Variants in GRK5 observed in about 807,000 individuals in gnomAD.
The protein encoded by GRK5 is G protein-coupled receptor kinase 5.
A neutral mutation model predicts 78.4 loss-of-function variants in GRK5; 40 were observed. The ratio of observed to expected loss-of-function variants is 0.51; its 90% confidence interval spans 0.40 to 0.66. GRK5 has a LOEUF of 0.66. GRK5 is among the 30% of genes least tolerant of loss of function. The pLI, the probability that GRK5 is intolerant of heterozygous loss-of-function variation, is 0.00. For missense variants in GRK5, 598 were observed against 759.9 expected, an observed-to-expected ratio of 0.79 and a Z score of 2.50; for synonymous variants, 289 against 296.8, an observed-to-expected ratio of 0.97 and a Z score of 0.27.
chr10:119,359,607 T>C (rs1041109526), intron 2 of GRK5, among the ~76,000 whole-genome samples: 3 of 152,224 alleles, frequency 2.0e-5, no homozygotes, highest in Admixed American at 2.0e-4. Flanking sequence ...GCTGTGGCCC[T>C]GGCTGCTGTG....
At chr10:119,227,000 A>G (rs1452070523) in intron 1 of GRK5, among the ~76,000 whole-genome samples, 1 of 152,094 alleles carries the variant, frequency 6.6e-6, no homozygotes, top group Non-Finnish European at 1.5e-5. Context: ...CTGGGATTAT[A>G]TGCGCCCGCC....
chr10:119,212,545 A>G lies in GRK5; in HGVS notation c.52+4576A>G, dbSNP rs924617942. On this transcript the variant is annotated intron_variant, in intron 1 of 15. Transcript: ENST00000392870. ...TGTTTAACCAAATTCACCTTTACCA[A>G]GGGCTATTCAATCCATATCTGGGAT... Among the ~76,000 whole-genome samples, 6 of 152,222 alleles carry G rather than the reference A, an allele frequency of 3.9e-5. No individual in the cohort carries two copies. The South Asian group carries it at 1.2e-3, about 32-fold the overall frequency.
chr10:119,394,289 TGTATCTGTGTGTCTGTGTGGGCACGTGG>T lies in GRK5; in HGVS notation c.262-2403_262-2376del, dbSNP rs1564916947. ...GTGTGTGTGGGCGTGTGTGTGGGTG[TGTATCTGTGTGTCTGTGTGGGCACGTGG>T]GTGTGTGTATCTGTGTGTCTGTGTG... On this transcript the variant is annotated intron_variant, in intron 3 of 15. Transcript: ENST00000392870. Among the ~76,000 whole-genome samples, 35 of 15,926 alleles carry T rather than the reference TGTATCTGTGTGTCTGTGTGGGCACGTGG, an allele frequency of 2.2e-3. 2 individuals are homozygous for T. The highest frequency in any genetic ancestry group is 3.9e-3 in the Non-Finnish European group (23 of 5,904). The allele number at this position is 15,926 out of a possible 152,430, so 10.4% of individuals were successfully genotyped here.
At chr10:119,216,945 TA>T (rs542611940) in intron 1 of GRK5, among the ~76,000 whole-genome samples, 6 of 150,924 alleles carry the variant, frequency 4.0e-5, no homozygotes, top group Non-Finnish European at 7.4e-5. Context: ...AATAATAATT[TA>T]AAAAAAAACA....
At position 119,425,067 on chromosome 10, in the gene GRK5, A is replaced by C; in HGVS notation, c.515A>C (p.Gln172Pro). 1.2e-6 allele frequency: 2 copies of C among 1,613,076 alleles called. No individual in the cohort carries two copies. The highest frequency in any genetic ancestry group is 2.2e-5 in the South Asian group (2 of 91,066). ...AGCATGTTTTTTGACCGCTTTCTCCAGTGGAAGTGGTTGGAAAGGTGAGTC... is the reference window on the plus strand; with the variant it reads ...AGCATGTTTTTTGACCGCTTTCTCCCGTGGAAGTGGTTGGAAAGGTGAGTC... ...LDSMFFDRFL[Q>P]WKWLERQPVT... Residue 172 changes from glutamine to proline, a missense_variant, in exon 6 of 16, where the codon CAG becomes CCG. Physicochemically the swap from Gln to Pro is moderately conservative, Grantham distance 76 (BLOSUM62 -1). Transcript: ENST00000392870.
chr10:119,361,952 C>A (rs1851371001), intron 2 of GRK5, among the ~76,000 whole-genome samples: 2 of 106,936 alleles, frequency 1.9e-5, no homozygotes, highest in Non-Finnish European at 3.6e-5. Flanking sequence ...CAGAGCGAGA[C>A]TCTATCTCAA....
At position 119,443,641 on chromosome 10, in the gene GRK5, C is replaced by T. The variant is rs1280048816; in HGVS notation, c.1155C>T (p.Phe385=). 7.4e-6 allele frequency: 12 copies of T among 1,613,508 alleles called. No homozygotes were observed. In the Admixed American group the frequency reaches 1.0e-4, roughly 13 times the overall value. Residue 385 remains phenylalanine, a synonymous_variant, in exon 12 of 16, where the codon TTC becomes TTT. Coordinates refer to ENST00000392870, the MANE Select transcript of GRK5 (RefSeq NM_005308.3). ...AGATGATCGAGGGCCAGTCGCCGTT[C>T]CGCGGCCGCAAGGAGAAGGTGAAGC... ...IYEMIEGQSP[F]RGRKEKVKRE... is the part of the protein sequence containing the mutation.
Position 119,270,598 on chromosome 10 carries a change from T to C in GRK5, c.53-55918T>C, listed in dbSNP as rs1008457514. Among the ~76,000 whole-genome samples, 4 of 152,360 alleles carry C rather than the reference T, an allele frequency of 2.6e-5. No homozygotes were observed. The Middle Eastern group carries it at 0.014, about 518-fold the overall frequency. On this transcript the variant is annotated intron_variant, in intron 1 of 15. Coordinates refer to ENST00000392870, the MANE Select transcript of GRK5 (RefSeq NM_005308.3). Reference sequence around the variant, plus strand: ...CCCCTAAGAAACCAGGGGACAATTGTTCACCTCCATGACAGGCCCATAAGC... The same window carrying C: ...CCCCTAAGAAACCAGGGGACAATTGCTCACCTCCATGACAGGCCCATAAGC...
chr10:119,261,008 G>A (rs1230448382), intron 1 of GRK5, among the ~76,000 whole-genome samples: 35 of 134,260 alleles, frequency 2.6e-4, no homozygotes, highest in African/African-American at 2.5e-4. Context: ...CTCACCTCCC[G>A]GACGGGGCGG....
At chr10:119,258,437 A>G (rs1849321749) in intron 1 of GRK5, among the ~76,000 whole-genome samples, 1 of 152,224 alleles carries the variant, frequency 6.6e-6, no homozygotes, top group Non-Finnish European at 1.5e-5. Context: ...TCACTTGGGT[A>G]AATATGTAGG....
intron 2 of GRK5, among the ~76,000 whole-genome samples, chr10:119,331,316 G>A (rs990215648): frequency 6.6e-6 from 1 of 152,240 alleles, no homozygotes; most frequent in Non-Finnish European, 1.5e-5. Context: ...AGAGGCCCGG[G>A]AAGGGCAGGA....
rs139831453 is a variant in GRK5, at chr10:119,303,205, C to T, written c.53-23311C>T. The stretch of plus-strand genomic sequence containing the variant: ...AATTGAGAGTAAAACGCTAGTTGGA[C>T]GAGATCATGTTATATCTGTAAACAG... On this transcript the variant is annotated intron_variant, in intron 1 of 15. Transcript: ENST00000392870. Among the ~76,000 whole-genome samples the T allele has an allele frequency of 1.4e-4, 21 of 152,238 alleles. 1 individual carries two copies. Among genetic ancestry groups the T allele is most frequent in the Admixed American group, 3.3e-4 (5 of 15,296 alleles).
intron 2 of GRK5, among the ~76,000 whole-genome samples, chr10:119,344,966 C>T (rs2133790435): frequency 7.2e-6 from 1 of 139,612 alleles, no homozygotes; most frequent in East Asian, 2.4e-4. Flanking sequence ...CTCGCTCCTT[C>T]CTTTCTTTTT....
chr10:119,418,258 G>A (rs918282076), intron 4 of GRK5, among the ~76,000 whole-genome samples: 1 of 152,208 alleles, frequency 6.6e-6, no homozygotes, highest in Non-Finnish European at 1.5e-5. Flanking sequence ...CACAGAGCAG[G>A]CAGAGTGCCC....
Position 119,455,176 on chromosome 10 carries a change from G to C in GRK5, c.*109G>C, listed in dbSNP as rs781307056. 6 of 900,674 alleles carry C rather than the reference G, an allele frequency of 6.7e-6. No individual in the cohort carries two copies. The highest frequency in any genetic ancestry group is 2.7e-5 in the South Asian group (2 of 74,998). 55.8% of individuals were successfully genotyped at this position (900,674 alleles called of 1,614,324 possible). On this transcript the variant is annotated 3_prime_UTR_variant, in exon 16 of 16. Transcript: ENST00000392870. ...GTGGGGCTGCCAGGGGAGACCCCGG[G>C]AGCCGGGGAAGGAGGCCGTCCATCC...
At chr10:119,382,846 A>G (rs933973802) in intron 3 of GRK5, among the ~76,000 whole-genome samples, 1 of 151,804 alleles carries the variant, frequency 6.6e-6, no homozygotes, top group African/African-American at 2.4e-5. Context: ...TGTTGTTCCT[A>G]CAGAAGAGCT....
At position 119,336,716 on chromosome 10, in the gene GRK5, C is replaced by T. The variant is rs1272136400; in HGVS notation, c.148+10105C>T. On this transcript the variant is annotated intron_variant, in intron 2 of 15. Coordinates refer to ENST00000392870, the MANE Select transcript of GRK5 (RefSeq NM_005308.3). The surrounding 1 kb of genome is among the most constrained non-coding windows in gnomAD (Gnocchi z 4.5). ...CATCGTCAGGGAAACCAAGTCTCTG[C>T]AGACGTCATTGCTGTCCTTGGGGTG... Among the ~76,000 whole-genome samples, 2 of 152,236 alleles carry T rather than the reference C, an allele frequency of 1.3e-5. No homozygotes were observed. The highest frequency in any genetic ancestry group is 2.1e-4 in the South Asian group (1 of 4,836).
At chr10:119,261,459 C>A (rs563218657) in intron 1 of GRK5, among the ~76,000 whole-genome samples, 7 of 151,256 alleles carry the variant, frequency 4.6e-5, no homozygotes, top group South Asian at 4.2e-4. Flanking sequence ...AGACGATGGG[C>A]GGCCAGGCAG....
At position 119,456,369 on chromosome 10, in the gene GRK5, T is replaced by A. The variant is rs1243510660; in HGVS notation, c.*1302T>A. 1 of 152,096 alleles carries A rather than the reference T, an allele frequency of 6.6e-6. No individual in the cohort carries two copies. The highest frequency in any genetic ancestry group is 1.5e-5 in the Non-Finnish European group (1 of 68,022). 9.4% of individuals were successfully genotyped at this position (152,096 alleles called of 1,614,324 possible). On this transcript the variant is annotated 3_prime_UTR_variant, in exon 16 of 16. Transcript: ENST00000392870. This position sits in a 1 kb window ranked among gnomAD's most constrained non-coding sequence, Gnocchi z 5.5. ...TTTCAAAGTTTCAGGCAGGAGCTCC[T>A]AGAGGACTTGGTGGCTTTGCCAGCC...
Sources: gnomAD v4.1 joint callset for allele counts (sites outside exome capture counted in the v4.1 genomes callset) on GRCh38, gnomAD v4.1.1 for gene constraint, Gnocchi (gnomAD v3.1) non-coding constraint, MANE v1.5 for transcripts, NCBI Gene and HGNC (gene_info 2026-07-23, HGNC 2026-07-21) for gene names.